The following PPP1R13B variants were observed in gnomAD, a reference collection of about 807,000 sequenced individuals.
PPP1R13B encodes apoptosis-stimulating of p53 protein 1.
In PPP1R13B, 44 loss-of-function variants were observed where a neutral mutation model predicts 119.8. The observed-to-expected ratio is 0.37, with a 90% CI of 0.29 to 0.47. The LOEUF is 0.47. PPP1R13B is among the 20% of genes least tolerant of loss of function. PPP1R13B has a pLI of 0.99. For synonymous variants in PPP1R13B, 542 were observed against 561.5 expected (o/e 0.97, Z 0.49); for missense variants, 1,227 against 1,413.5 (o/e 0.87, Z 2.12).
chr14:103,805,774 CA>C (rs1285607183), intron 1 of PPP1R13B, among the ~76,000 whole-genome samples: 1 of 152,126 alleles, frequency 6.6e-6, no homozygotes, highest in Non-Finnish European at 1.5e-5. Flanking sequence ...AGGCCAGACA[CA>C]AAAGACCACA....
At chr14:103,771,209 T>C (rs2085061149) in intron 4 of PPP1R13B, among the ~76,000 whole-genome samples, 1 of 152,130 alleles carries the variant, frequency 6.6e-6, no homozygotes, top group African/African-American at 2.4e-5. Flanking sequence ...AAATTGAGCC[T>C]AGCTTGTGCC....
rs527965084 is a variant in PPP1R13B at position 103,814,714 on chromosome 14, G to C, written c.10-17196C>G. 1.4e-4 allele frequency among the ~76,000 whole-genome samples: 21 copies of C among 152,306 alleles called. No individual in the cohort carries two copies. The South Asian group carries it at 4.1e-3, about 30-fold the overall frequency. Reference sequence around the variant, plus strand: ...TAATCCCAGCACTTTGGGAAGCCAAGGTGGGCGGATCACGAGGTCAGGAGA... The same window carrying C: ...TAATCCCAGCACTTTGGGAAGCCAACGTGGGCGGATCACGAGGTCAGGAGA... On this transcript the variant is annotated intron_variant, in intron 1 of 16. Coordinates refer to ENST00000202556, the MANE Select transcript of PPP1R13B (RefSeq NM_015316.3).
intron 1 of PPP1R13B, among the ~76,000 whole-genome samples, chr14:103,813,496 G>A (rs996189422): frequency 6.6e-6 from 1 of 152,132 alleles, no homozygotes; most frequent in Non-Finnish European, 1.5e-5. Context: ...GTGATAATGC[G>A]TGAGTCTCAC....
chr14:103,761,180 G>A (rs193091036), intron 4 of PPP1R13B, among the ~76,000 whole-genome samples: 1 of 151,384 alleles, frequency 6.6e-6, no homozygotes, highest in African/African-American at 2.4e-5. Context: ...AGGATGAGGT[G>A]GAAGGAACGC....
At chr14:103,792,422 C>T (rs2085645694) in intron 2 of PPP1R13B, among the ~76,000 whole-genome samples, 1 of 152,118 alleles carries the variant, frequency 6.6e-6, no homozygotes, top group Non-Finnish European at 1.5e-5. Context: ...AAGCAATCTG[C>T]CAGCCTTGGC....
chr14:103,797,618 A>C, intron 1 of PPP1R13B, 100 bp from the exon 2 acceptor site: 2 of 493,928 alleles, frequency 4.0e-6, no homozygotes, highest in Non-Finnish European at 6.7e-6. Context: ...CCGCCCCCAA[A>C]ATGCCTACAG....
chr14:103,738,987 G>C lies in PPP1R13B; in HGVS notation c.2629C>G (p.Arg877Gly), dbSNP rs374384363. The change falls in exon 13 of 17, where the codon CGG becomes GGG. Residue 877 changes from arginine (R) to glycine (G), a missense_variant. By Grantham distance (125) the Arg-to-Gly change is moderately radical (BLOSUM62 -2). Coordinates refer to ENST00000202556, the MANE Select transcript of PPP1R13B (RefSeq NM_015316.3). This position sits in a 1 kb window ranked among gnomAD's most constrained non-coding sequence, Gnocchi z 5.6. ...RTNLKKPNSE[R>G]TGHGLRVRFN... ...CGGACTCTCAGCCCGTGCCCCGTCC[G>C]CTCCGAGTTGGGCTTCTTCAAGTTG... is the stretch of plus-strand genomic sequence containing the variant. 1.9e-6 allele frequency: 3 copies of C among 1,613,900 alleles called. No homozygotes were observed. The highest frequency in any genetic ancestry group is 2.5e-6 in the Non-Finnish European group (3 of 1,179,976).
intron 1 of PPP1R13B, among the ~76,000 whole-genome samples, chr14:103,824,069 T>C (rs2086478553): frequency 7.9e-6 from 1 of 126,202 alleles, no homozygotes; most frequent in Admixed American, 9.1e-5. Flanking sequence ...TTTTTTGAGA[T>C]GCAGTCTTGC....
At chr14:103,803,313 T>C (rs1278310432) in intron 1 of PPP1R13B, among the ~76,000 whole-genome samples, 1 of 152,162 alleles carries the variant, frequency 6.6e-6, no homozygotes, top group Non-Finnish European at 1.5e-5. Context: ...AACAAGTTAA[T>C]ACGTTTATCC....
rs138419834 is a variant in PPP1R13B, at chr14:103,778,657, T to C, written c.354+88A>G. 1.4e-3 allele frequency: 1,474 copies of C among 1,023,296 alleles called. 17 individuals are homozygous for C. In the African/African-American group the frequency reaches 0.02, roughly 14 times the overall value. The allele number at this position is 1,023,296 out of a possible 1,614,324, so 63.4% of individuals were successfully genotyped here. Reference sequence around the variant, plus strand: ...CTGCCCTCATGTGATCCTCCCACCTTGGCCTCCCAAAGTGCTGAGATTACA... The same window carrying C: ...CTGCCCTCATGTGATCCTCCCACCTCGGCCTCCCAAAGTGCTGAGATTACA... On this transcript the variant is annotated intron_variant, in intron 4 of 16. Coordinates refer to ENST00000202556, the MANE Select transcript of PPP1R13B (RefSeq NM_015316.3).
At chr14:103,773,123 T>G (rs139821204) in intron 4 of PPP1R13B, among the ~76,000 whole-genome samples, 2 of 152,286 alleles carry the variant, frequency 1.3e-5, no homozygotes, top group East Asian at 1.9e-4. Flanking sequence ...AAAAGCACCT[T>G]TTATGTATTA....
chr14:103,805,182 C>T, intron 1 of PPP1R13B, among the ~76,000 whole-genome samples: 1 of 152,116 alleles, frequency 6.6e-6, no homozygotes, highest in Non-Finnish European at 1.5e-5. Flanking sequence ...CCAGCAATTC[C>T]ACTCCTAGGT....
intron 6 of PPP1R13B, 24 bp downstream of exon 6, chr14:103,754,046 C>G: frequency 1.2e-6 from 2 of 1,608,204 alleles, no homozygotes; most frequent in Non-Finnish European, 1.7e-6. Context: ...AGAGTGGTGT[C>G]GAGGGGGTGT....
intron 1 of PPP1R13B, among the ~76,000 whole-genome samples, chr14:103,816,502 C>T (rs551670636): frequency 6.6e-6 from 1 of 151,548 alleles, no homozygotes; most frequent in South Asian, 2.1e-4. Flanking sequence ...GCCTGGCCAA[C>T]ACGGTGAAAC....
In PPP1R13B at chr14:103,738,237, T is replaced by A. The variant is rs557726423; in HGVS notation, c.2865-377A>T. Among the ~76,000 whole-genome samples, 3 of 152,250 alleles carry A rather than the reference T, an allele frequency of 2.0e-5. No homozygotes were observed. Among genetic ancestry groups the A allele is most frequent in the African/African-American group, 7.2e-5 (3 of 41,542 alleles). On this transcript the variant is annotated intron_variant, in intron 14 of 16. Transcript: ENST00000202556. This position sits in a 1 kb window ranked among gnomAD's most constrained non-coding sequence, Gnocchi z 5.6. ...ATGTCAGCTGTCTGAAAGTTCAAAA[T>A]AACCCCCACAGGAGACCAACACGCC...
rs1198736139 is a variant in PPP1R13B, at chr14:103,753,124, A to G, written c.704T>C (p.Val235Ala). The G allele has an allele frequency of 6.2e-7, 1 of 1,613,810 alleles. No homozygotes were observed. The highest frequency in any genetic ancestry group is 1.7e-5 in the Admixed American group (1 of 60,020). ...KQEVQTAILRVDQLSQQLEDL... is the reference protein window; with the variant it reads ...KQEVQTAILRADQLSQQLEDL... ...TTCCAATTGCTGACTAAGCTGATCA[A>G]CCCTTAAAATTGCAGTCTGTACTTC... The change falls in exon 7 of 17, where the codon GTT becomes GCT. Residue 235 changes from valine to alanine, a missense_variant. Transcript: ENST00000202556.
chr14:103,807,675 T>A (rs780408919), intron 1 of PPP1R13B, among the ~76,000 whole-genome samples: 2 of 152,038 alleles, frequency 1.3e-5, no homozygotes, highest in Non-Finnish European at 2.9e-5. Context: ...TTTGTATTTT[T>A]AGAAGAGACG....
At chr14:103,790,245 C>CAAAAAAA (rs571576912) in intron 2 of PPP1R13B, among the ~76,000 whole-genome samples, 1 of 123,326 alleles carries the variant, frequency 8.1e-6, no homozygotes, top group Admixed American at 8.7e-5. Context: ...GACCCTGTCT[C>CAAAAAAA]AAAAAAAAAA....
At chr14:103,834,231 C>T (rs2086723557) in intron 1 of PPP1R13B, among the ~76,000 whole-genome samples, 1 of 152,156 alleles carries the variant, frequency 6.6e-6, no homozygotes, top group African/African-American at 2.4e-5. Context: ...AAAAAACTAG[C>T]TGGGCATGGT....
Sources: allele counts gnomAD v4.1 joint callset (sites outside exome capture counted in the v4.1 genomes callset), GRCh38; gene constraint gnomAD v4.1.1; non-coding constraint Gnocchi (gnomAD v3.1); transcripts MANE v1.5; gene names NCBI Gene and HGNC (gene_info 2026-07-23, HGNC 2026-07-21).